Variants in RAD52 observed in about 807,000 individuals in gnomAD.
RAD52 encodes RAD52 DNA repair protein.
RAD52 carries 47 observed loss-of-function variants against 55.5 expected under a neutral mutation model. That is an observed-to-expected ratio of 0.85 (90% confidence interval 0.67 to 1.08). The LOEUF is 1.08. Ranked by LOEUF, RAD52 falls within the 50% of genes least tolerant of loss-of-function variation. The pLI, the probability that RAD52 is intolerant of heterozygous loss-of-function variation, is 0.00. For synonymous variants in RAD52, 184 were observed against 198.9 expected (o/e 0.92, Z 0.63); for missense variants, 468 against 522.8 (o/e 0.90, Z 1.02).
At chr12:968,912 C>T (rs936473053) in intron 1 of RAD52, among the ~76,000 whole-genome samples, 16 of 151,970 alleles carry the variant, frequency 1.1e-4, no homozygotes, top group African/African-American at 3.9e-4. Context: ...TGAGTATACA[C>T]ACACACACAC....
chr12:967,995 T>C (rs962643369), intron 1 of RAD52, among the ~76,000 whole-genome samples: 3 of 152,098 alleles, frequency 2.0e-5, no homozygotes, highest in African/African-American at 7.3e-5. Context: ...TTTTTGAGCT[T>C]TATATTCATG....
chr12:932,891 G>T, intron 2 of RAD52, 84 bp downstream of exon 2: 1 of 1,158,680 alleles, frequency 8.6e-7, no homozygotes, highest in South Asian at 1.3e-5. Flanking sequence ...GCTCACACAT[G>T]TACTACGATG....
chr12:979,063 G>T (rs145044640), intron 1 of RAD52, among the ~76,000 whole-genome samples: 3 of 152,182 alleles, frequency 2.0e-5, no homozygotes, highest in East Asian at 3.9e-4. Flanking sequence ...AACTGAAATT[G>T]TGCTCACCCC....
intron 1 of RAD52, among the ~76,000 whole-genome samples, chr12:943,621 T>A (rs1487257079): frequency 6.6e-6 from 1 of 152,146 alleles, no homozygotes; most frequent in Non-Finnish European, 1.5e-5. Context: ...AGTGCCAGGA[T>A]TACAGACGTG....
chr12:955,415 A>G (rs1592466788), intron 1 of RAD52, among the ~76,000 whole-genome samples: 1 of 151,972 alleles, frequency 6.6e-6, no homozygotes, highest in African/African-American at 2.4e-5. Flanking sequence ...CATGACCCCA[A>G]CCCATTATCT....
In RAD52 at chr12:929,906, C is replaced by T. The variant is rs377698459; in HGVS notation, c.281-20G>A. On this transcript the variant is annotated intron_variant, in intron 4 of 11. Transcript: ENST00000358495. ...CAAAATCTAGGAGTGGGAAAGAGAG[C>T]AAGTTGAAGAGGACACTGACCGCTG... 6.2e-7 allele frequency: 1 copy of T among 1,608,794 alleles called. No homozygotes were observed. Among genetic ancestry groups the T allele is most frequent in the African/African-American group, 1.3e-5 (1 of 74,772 alleles).
intron 1 of RAD52, among the ~76,000 whole-genome samples, chr12:970,876 C>CTTT (rs1406561576): frequency 2.0e-5 from 3 of 148,328 alleles, no homozygotes; most frequent in African/African-American, 7.9e-5. Context: ...CTTGCTGAGA[C>CTTT]TTTGAACCAA....
intron 1 of RAD52, among the ~76,000 whole-genome samples, chr12:969,827 A>G (rs963800237): frequency 4.6e-5 from 7 of 151,834 alleles, no homozygotes; most frequent in African/African-American, 1.7e-4. Flanking sequence ...TGTATACGAT[A>G]TTAAGAGTGA....
intron 1 of RAD52, among the ~76,000 whole-genome samples, chr12:938,939 A>T (rs1209465177): frequency 1.3e-5 from 2 of 151,958 alleles, no homozygotes; most frequent in African/African-American, 4.8e-5. Context: ...TGTGATAATT[A>T]TATCGTGATT....
chr12:952,393 C>T, upstream of RAD52, among the ~76,000 whole-genome samples: 1 of 152,188 alleles, frequency 6.6e-6, no homozygotes, highest in East Asian at 1.9e-4. Context: ...CACCACCATG[C>T]TCAGCTCTAA....
chr12:943,382 G>A lies in RAD52; in HGVS notation c.-19+6220C>T, dbSNP rs141978753. Among the ~76,000 whole-genome samples, 627 of 152,260 alleles carry A rather than the reference G, an allele frequency of 4.1e-3. 3 individuals are homozygous for A. Among genetic ancestry groups the A allele is most frequent in the Non-Finnish European group, 6.1e-3 (418 of 68,004 alleles). On this transcript the variant is annotated intron_variant, in intron 1 of 11. Transcript: ENST00000358495. ...TTTTGAGACGAAGTCTTGTTCAGTCGCCCAGGCTGGAGTGCAGTGGCACAA... is the reference window on the plus strand; with the variant it reads ...TTTTGAGACGAAGTCTTGTTCAGTCACCCAGGCTGGAGTGCAGTGGCACAA...
At chr12:914,990 G>A (rs373844822) in intron 9 of RAD52, among the ~76,000 whole-genome samples, 3 of 152,212 alleles carry the variant, frequency 2.0e-5, no homozygotes, top group East Asian at 1.9e-4. Context: ...AAATATCAGC[G>A]GGTGTGGTAG....
chr12:929,622 T>C (rs987528202), intron 5 of RAD52, 197 bp downstream of exon 5: 23 of 773,494 alleles, frequency 3.0e-5, no homozygotes, highest in African/African-American at 5.1e-5. Context: ...AGCTTGAACA[T>C]GTGCAAGAGA....
At chr12:983,540 C>T (rs1016232580) in intron 1 of RAD52, among the ~76,000 whole-genome samples, 2 of 151,656 alleles carry the variant, frequency 1.3e-5, no homozygotes, top group Non-Finnish European at 2.9e-5. Flanking sequence ...CTGCCCCAGC[C>T]TCTCAAGTAG....
chr12:928,385 C>T (rs562516482), intron 5 of RAD52, among the ~76,000 whole-genome samples: 4 of 151,984 alleles, frequency 2.6e-5, no homozygotes, highest in Admixed American at 6.6e-5. Flanking sequence ...GGCGGGGTGG[C>T]GCATGCCTGT....
chr12:982,309 T>C (rs1248251885), intron 1 of RAD52, among the ~76,000 whole-genome samples: 1 of 152,236 alleles, frequency 6.6e-6, no homozygotes, highest in East Asian at 1.9e-4. Context: ...ATTGCACCTA[T>C]AATCTCTATG....
intron 1 of RAD52, among the ~76,000 whole-genome samples, chr12:978,668 C>T (rs1592495362): frequency 1.3e-5 from 2 of 151,792 alleles, no homozygotes; most frequent in Non-Finnish European, 2.9e-5. Flanking sequence ...CTGGGCATGG[C>T]GGCGTGCACC....
chr12:979,347 A>G (rs1452480419), intron 1 of RAD52, among the ~76,000 whole-genome samples: 1 of 152,136 alleles, frequency 6.6e-6, no homozygotes, highest in African/African-American at 2.4e-5. Context: ...AGGCTGAGGC[A>G]TAAGAATCGC....
chr12:971,179 T>G (rs1958845424), intron 1 of RAD52, among the ~76,000 whole-genome samples: 1 of 152,212 alleles, frequency 6.6e-6, no homozygotes, highest in Non-Finnish European at 1.5e-5. Flanking sequence ...GGCCTAATAT[T>G]TCCCTTGGGG....
Sources: gnomAD v4.1 joint callset for allele counts (sites outside exome capture counted in the v4.1 genomes callset) on GRCh38, gnomAD v4.1.1 for gene constraint, MANE v1.5 for transcripts, NCBI Gene and HGNC (gene_info 2026-07-23, HGNC 2026-07-21) for gene names.